CENPM: variants seen among roughly 807,000 people sequenced by gnomAD.
The protein encoded by CENPM is interphase centromere complex protein 39.
Under a neutral mutation model 19.6 loss-of-function variants are expected in CENPM, and 14 were observed. The observed-to-expected ratio is 0.71, with a 90% CI of 0.47 to 1.11. The LOEUF is 1.11. Ranked by LOEUF, CENPM falls within the 50% of genes most tolerant of loss-of-function variation. The pLI, the probability that CENPM is intolerant of heterozygous loss-of-function variation, is 0.00. For synonymous variants in CENPM, 114 were observed against 101.5 expected (o/e 1.12, Z -0.74); for missense variants, 239 against 228.4 (o/e 1.05, Z -0.30).
Position 41,939,057 on chromosome 22 carries a change from C to T in CENPM, c.542G>A (p.Ter181=). 1 of 1,612,910 alleles carries T rather than the reference C, an allele frequency of 6.2e-7. No homozygotes were observed. The highest frequency in any genetic ancestry group is 8.5e-7 in the Non-Finnish European group (1 of 1,179,912). ...GGGCAGCCCAGGGGCCAGCCACCCT[C>T]ACAGGTCCTCCAGGGAGGGGCCCTC... The part of the protein sequence containing the change: ...SSEGPSLEDL[*] Residue 181 remains the stop codon, a stop_retained_variant, in exon 6 of 6, where the codon TGA becomes TAA. Coordinates refer to ENST00000215980, the MANE Select transcript of CENPM (RefSeq NM_024053.5).
Position 41,938,866 on chromosome 22 carries a change from C to A in CENPM, c.*190G>T. 1 of 623,734 alleles carries A rather than the reference C, an allele frequency of 1.6e-6. No individual in the cohort carries two copies. Among genetic ancestry groups the A allele is most frequent in the South Asian group, 2.4e-5 (1 of 42,212 alleles). The allele number at this position is 623,734 out of a possible 1,614,324, so 38.6% of individuals were successfully genotyped here. ...TGTGGGAGTGGGAGGGGGCTACAGT[C>A]TCGCCAGCTGGGCCCCCTCGCTGCT... On this transcript the variant is annotated 3_prime_UTR_variant, in exon 6 of 6. Coordinates refer to ENST00000215980, the MANE Select transcript of CENPM (RefSeq NM_024053.5).
chr22:41,940,595 A>T (rs891131621), intron 5 of CENPM, among the ~76,000 whole-genome samples: 4 of 152,114 alleles, frequency 2.6e-5, no homozygotes, highest in African/African-American at 9.7e-5. Context: ...CATGTTGGCC[A>T]GGCTGGTCTC....
At chr22:41,933,057 G>A in the CENPM span, among the ~76,000 whole-genome samples, 1 of 152,156 alleles carries the variant, frequency 6.6e-6, no homozygotes, top group Admixed American at 6.5e-5. Flanking sequence ...ATTTCAAACA[G>A]GGGAGTCAGA....
intron 1 of CENPM, chr22:41,946,768 C>A (rs2077810331): frequency 3.3e-6 from 2 of 600,922 alleles, no homozygotes; most frequent in Non-Finnish European, 5.9e-6. Context: ...CGCGGGAAAA[C>A]CAATTCCAGG....
At chr22:41,929,198 G>C in the CENPM span, among the ~76,000 whole-genome samples, 10 of 152,180 alleles carry the variant, frequency 6.6e-5, 1 homozygote, top group South Asian at 1.7e-3. Flanking sequence ...GGCAGGGAAG[G>C]CCTCTCTGTG....
At chr22:41,942,812 G>A (rs2077754705) in intron 5 of CENPM, among the ~76,000 whole-genome samples, 1 of 151,440 alleles carries the variant, frequency 6.6e-6, no homozygotes, top group Admixed American at 6.6e-5. Context: ...GTGCATGCTT[G>A]TAGTCCTAGT....
At chr22:41,927,583 T>A in the CENPM span, among the ~76,000 whole-genome samples, 1 of 141,462 alleles carries the variant, frequency 7.1e-6, no homozygotes, top group Non-Finnish European at 1.5e-5. Context: ...CACTGCAACC[T>A]CTGCCTCCCA....
chr22:41,928,301 T>C, the CENPM span: 2 of 171,908 alleles, frequency 1.2e-5, no homozygotes, highest in South Asian at 2.2e-4. The surrounding 1 kb of genome is among the most constrained non-coding windows in gnomAD (Gnocchi z 4.0). Context: ...CTATCTCTGC[T>C]CCCCAGTGTT....
At chr22:41,944,857 G>A in intron 4 of CENPM, 1 of 1,061,586 alleles carries the variant, frequency 9.4e-7, no homozygotes, top group East Asian at 7.9e-5. Flanking sequence ...AGAGTTATCT[G>A]CTCATATTCA....
At chr22:41,934,648 C>T (rs1326574533), downstream of CENPM, among the ~76,000 whole-genome samples, 1 of 152,226 alleles carries the variant, frequency 6.6e-6, no homozygotes, top group African/African-American at 2.4e-5. Context: ...GCCTGGGCAG[C>T]ATAGCAAGAC....
chr22:41,943,557 A>G, intron 5 of CENPM, 53 bp downstream of exon 5: 1 of 1,518,114 alleles, frequency 6.6e-7, no homozygotes, highest in East Asian at 2.3e-5. Context: ...TGTGCTGACC[A>G]CCCTTTCCCC....
chr22:41,940,039 C>T (rs760250727), intron 5 of CENPM: 1 of 674,462 alleles, frequency 1.5e-6, no homozygotes, highest in Non-Finnish European at 2.8e-6. Flanking sequence ...CCAGCAGCTC[C>T]CCACCAGGCT....
intron 4 of CENPM, chr22:41,944,584 T>C: frequency 1.2e-6 from 1 of 827,466 alleles, no homozygotes; most frequent in Non-Finnish European, 1.5e-6. Flanking sequence ...CCAATAGGAA[T>C]ATGAAAACAA....
rs371185369 is a variant in CENPM, at chr22:41,939,156, C to T, written c.443G>A (p.Arg148His). The T allele has an allele frequency of 5.1e-5, 82 of 1,612,402 alleles. No individual in the cohort carries two copies. Among genetic ancestry groups the T allele is most frequent in the African/African-American group, 3.9e-4 (29 of 74,938 alleles). Residue 148 changes from arginine (R) to histidine (H), a missense_variant, in exon 6 of 6, where the codon CGC (arginine) becomes CAC (histidine). Physicochemically the swap from Arg to His is conservative, Grantham distance 29. Coordinates refer to ENST00000215980, the MANE Select transcript of CENPM (RefSeq NM_024053.5). ...FRATMAQRLV[R>H]VLQICAGHVP... ...GTGGCCAGCACAGATCTGCAGCACGCGCACCAGGCGCTGCGCCATGGTGGC... is the reference window on the plus strand; with the variant it reads ...GTGGCCAGCACAGATCTGCAGCACGTGCACCAGGCGCTGCGCCATGGTGGC...
chr22:41,939,991 C>G (rs984665030), intron 5 of CENPM: 4 of 570,466 alleles, frequency 7.0e-6, no homozygotes, highest in Middle Eastern at 4.0e-4. Context: ...CCATTTAAAA[C>G]CCAAGTCAGG....
the CENPM span, among the ~76,000 whole-genome samples, chr22:41,932,556 G>A: frequency 3.3e-5 from 5 of 152,226 alleles, no homozygotes; most frequent in African/African-American, 9.6e-5. The surrounding 1 kb of genome is among the most constrained non-coding windows in gnomAD (Gnocchi z 4.3). Flanking sequence ...GCACACGTGC[G>A]CACACACGCG....
At chr22:41,944,056 AT>A in intron 4 of CENPM, 1 of 971,464 alleles carries the variant, frequency 1.0e-6, no homozygotes. Flanking sequence ...CACCTCATGC[AT>A]GCCGGAGTGA....
downstream of CENPM, among the ~76,000 whole-genome samples, chr22:41,935,294 G>A (rs149788984): frequency 1.9e-4 from 29 of 152,228 alleles, no homozygotes; most frequent in Middle Eastern, 3.4e-3. Context: ...GGGAGGGGGT[G>A]TGGGGGAAGG....
downstream of CENPM, among the ~76,000 whole-genome samples, chr22:41,936,576 A>T (rs2077684749): frequency 6.6e-6 from 1 of 152,214 alleles, no homozygotes; most frequent in Non-Finnish European, 1.5e-5. Flanking sequence ...AGGAGTTAGA[A>T]GGCGGCCCAC....
Sources: gnomAD v4.1 joint callset for allele counts (sites outside exome capture counted in the v4.1 genomes callset) on GRCh38, gnomAD v4.1.1 for gene constraint, Gnocchi (gnomAD v3.1) non-coding constraint, MANE v1.5 for transcripts, NCBI Gene and HGNC (gene_info 2026-07-23, HGNC 2026-07-21) for gene names.